Variants in AFF3 observed in about 807,000 individuals in gnomAD.
AFF3 encodes the protein ALF transcription elongation factor 3, also known as AF4/FMR2 family member 3.
AFF3 carries 32 observed loss-of-function variants against 129.7 expected under a neutral mutation model. That is an observed-to-expected ratio of 0.25 (90% CI 0.19 to 0.33). AFF3 has a LOEUF of 0.33. Ranked by LOEUF, AFF3 falls within the 10% of genes least tolerant of loss-of-function variation. The probability of loss-of-function intolerance (pLI) is 1.00; values close to 1 mark genes in which losing one functional copy is unlikely to be tolerated. For synonymous variants in AFF3, 644 were observed against 635.4 expected (o/e 1.01, Z -0.20); for missense variants, 1,373 against 1,592.0 (o/e 0.86, Z 2.34).
chr2:100,026,652 T>C (rs962618206), intron 4 of AFF3, among the ~76,000 whole-genome samples: 4 of 151,034 alleles, frequency 2.6e-5, no homozygotes, highest in African/African-American at 9.7e-5. Context: ...CCAACCCAAA[T>C]GTCCATCAAT....
chr2:99,738,406 A>C (rs1680433865), intron 10 of AFF3, among the ~76,000 whole-genome samples: 1 of 152,052 alleles, frequency 6.6e-6, no homozygotes, highest in Non-Finnish European at 1.5e-5. Flanking sequence ...TGTCAATCAT[A>C]TTTTTAATTC....
At chr2:99,639,032 C>T (rs550946790) in intron 13 of AFF3, among the ~76,000 whole-genome samples, 1 of 152,256 alleles carries the variant, frequency 6.6e-6, no homozygotes, top group South Asian at 2.1e-4. Flanking sequence ...GGCCTCCTTA[C>T]CAGACATCAG....
At chr2:100,136,310 G>A (rs899055508) in intron 1 of AFF3, among the ~76,000 whole-genome samples, 7 of 152,140 alleles carry the variant, frequency 4.6e-5, no homozygotes, top group African/African-American at 1.2e-4. Context: ...TTCACCACCC[G>A]GAGATGTGGG....
At chr2:100,139,789 A>G (rs1010886272) in intron 1 of AFF3, among the ~76,000 whole-genome samples, 2 of 152,222 alleles carry the variant, frequency 1.3e-5, no homozygotes, top group African/African-American at 4.8e-5. Flanking sequence ...AGCAGAAATG[A>G]GATATGACTT....
intron 4 of AFF3, among the ~76,000 whole-genome samples, chr2:100,047,098 C>T (rs1685899459): frequency 6.6e-6 from 1 of 152,180 alleles, no homozygotes; most frequent in South Asian, 2.1e-4. Context: ...AAGTTAAATG[C>T]TAAGCTCAGT....
At chr2:99,815,512 C>T (rs930501439) in intron 8 of AFF3, among the ~76,000 whole-genome samples, 9 of 152,148 alleles carry the variant, frequency 5.9e-5, no homozygotes, top group Admixed American at 5.2e-4. Flanking sequence ...TATTCAATTT[C>T]TGATGCTCTT....
In AFF3 at chr2:99,549,077, C is replaced by A. The variant is rs1674230666; in HGVS notation, c.*2397G>T. On this transcript the variant is annotated 3_prime_UTR_variant, in exon 25 of 25. Transcript: ENST00000672756. ...GAAGCTCATCACATAGATGTTACAA[C>A]AAAGTCTGCAACTTTCAAGGTGGGC... The A allele has an allele frequency of 4.4e-6, 1 of 227,034 alleles. No individual in the cohort carries two copies. Among genetic ancestry groups the A allele is most frequent in the South Asian group, 1.8e-4 (1 of 5,484 alleles). 14.1% of individuals were successfully genotyped at this position (227,034 alleles called of 1,614,324 possible).
chr2:99,725,290 A>C (rs1204525697), intron 11 of AFF3, among the ~76,000 whole-genome samples: 3 of 151,940 alleles, frequency 2.0e-5, no homozygotes, highest in Non-Finnish European at 4.4e-5. Context: ...CTATTTTCAT[A>C]GATGTTATAA....
chr2:99,724,271 C>CTTTTTTTCTTTTTTTTTTT (rs1679166738), intron 11 of AFF3, among the ~76,000 whole-genome samples: 1 of 66,862 alleles, frequency 1.5e-5, no homozygotes. Context: ...AATGACCTTT[C>CTTTTTTTCTTTTTTTTTTT]TTTTTTTTTT....
chr2:99,922,047 G>C (rs1695891427), intron 7 of AFF3, among the ~76,000 whole-genome samples: 1 of 152,068 alleles, frequency 6.6e-6, no homozygotes, highest in East Asian at 1.9e-4. Flanking sequence ...AAATGAAAAA[G>C]ACTAACAACA....
At chr2:99,879,741 T>C (rs1462917686) in intron 7 of AFF3, among the ~76,000 whole-genome samples, 1 of 152,244 alleles carries the variant, frequency 6.6e-6, no homozygotes, top group East Asian at 1.9e-4. Flanking sequence ...ACCATATCTG[T>C]GCTCTGCGAC....
intron 7 of AFF3, among the ~76,000 whole-genome samples, chr2:99,922,216 T>C (rs149309123): frequency 6.6e-6 from 1 of 152,288 alleles, no homozygotes; most frequent in East Asian, 1.9e-4. Context: ...GCACTTTCAC[T>C]CCTAGGGGTT....
chr2:99,947,072 C>G (rs1210905258), intron 7 of AFF3, among the ~76,000 whole-genome samples: 1 of 152,094 alleles, frequency 6.6e-6, no homozygotes, highest in African/African-American at 2.4e-5. Flanking sequence ...ATGTCCAAAG[C>G]TCTGTATTAA....
chr2:99,682,573 C>T (rs1007035848), intron 11 of AFF3, among the ~76,000 whole-genome samples: 1 of 152,118 alleles, frequency 6.6e-6, no homozygotes, highest in Admixed American at 6.5e-5. Flanking sequence ...TTATGAATGC[C>T]ACACCTTTCA....
intron 4 of AFF3, among the ~76,000 whole-genome samples, chr2:100,104,011 G>A (rs1224438367): frequency 6.6e-6 from 1 of 151,598 alleles, no homozygotes; most frequent in South Asian, 2.1e-4. Context: ...GGTGCCAGCC[G>A]GAGGAGGGAG....
intron 2 of AFF3, chr2:100,112,364 C>T (rs866965532): frequency 6.6e-6 from 1 of 152,178 alleles, no homozygotes; most frequent in African/African-American, 2.4e-5. Context: ...GCAGGAAACC[C>T]CTGGAAAAGA....
chr2:99,657,586 C>T (rs1287067826), intron 12 of AFF3, among the ~76,000 whole-genome samples: 1 of 152,188 alleles, frequency 6.6e-6, no homozygotes, highest in Non-Finnish European at 1.5e-5. Flanking sequence ...CCACGATCTC[C>T]AATCTAAGAG....
rs536695863 is a variant in AFF3, at chr2:99,547,937, T to C, written c.*3537A>G. The C allele has an allele frequency of 6.4e-4, 135 of 211,922 alleles. No individual in the cohort carries two copies. The highest frequency in any genetic ancestry group is 2.8e-3 in the African/African-American group (126 of 44,342). The allele number at this position is 211,922 out of a possible 1,614,324, so 13.1% of individuals were successfully genotyped here. ...AATCTAGTACACAATTTGTCAACTC[T>C]TCAGATTATTTTTCCAGTACATTCC... On this transcript the variant is annotated 3_prime_UTR_variant, in exon 25 of 25. Coordinates refer to ENST00000672756, the MANE Select transcript of AFF3 (RefSeq NM_001386135.1).
intron 3 of AFF3, chr2:100,105,243 G>C: frequency 9.4e-7 from 1 of 1,060,136 alleles, no homozygotes; most frequent in Non-Finnish European, 1.2e-6. Context: ...GCTCCCGCGG[G>C]CGGCGGACCC....
Sources: allele counts gnomAD v4.1 joint callset (sites outside exome capture counted in the v4.1 genomes callset), GRCh38; gene constraint gnomAD v4.1.1; transcripts MANE v1.5; gene names NCBI Gene and HGNC (gene_info 2026-07-23, HGNC 2026-07-21).